RETREG3: variants seen among roughly 807,000 people sequenced by gnomAD.
RETREG3 encodes the protein reticulophagy regulator family member 3, also known as reticulophagy regulator 3.
RETREG3 carries 23 observed loss-of-function variants against 50.2 expected under a neutral mutation model. The ratio of observed to expected loss-of-function variants is 0.46; its 90% CI spans 0.33 to 0.65. RETREG3 has a LOEUF of 0.65. Among genes scored for constraint, RETREG3 ranks in the 30% least tolerant of loss-of-function variants. The pLI is 0.02. For synonymous variants in RETREG3, 240 were observed against 234.4 expected, an observed-to-expected ratio of 1.02 and a Z score of -0.22; for missense variants, 546 against 598.0, an observed-to-expected ratio of 0.91 and a Z score of 0.91.
intron 1 of RETREG3, among the ~76,000 whole-genome samples, chr17:42,606,120 A>G (rs2093167471): frequency 6.6e-6 from 1 of 152,106 alleles, no homozygotes; most frequent in Non-Finnish European, 1.5e-5. Context: ...CTACTAGGAA[A>G]TGCCAAAGAT....
At chr17:42,590,711 A>C (rs1275544714) in intron 2 of RETREG3, among the ~76,000 whole-genome samples, 1 of 152,138 alleles carries the variant, frequency 6.6e-6, no homozygotes, top group African/African-American at 2.4e-5. Context: ...TCACGCCTGT[A>C]ATCCCAGCAC....
intron 1 of RETREG3, among the ~76,000 whole-genome samples, chr17:42,602,839 G>A (rs557854062): frequency 6.6e-6 from 1 of 152,188 alleles, no homozygotes; most frequent in Admixed American, 6.5e-5. Context: ...CACTACCTGA[G>A]AGGCTGAGGT....
chr17:42,587,060 T>G, intron 3 of RETREG3, 169 bp from the exon 4 acceptor site: 1 of 884,372 alleles, frequency 1.1e-6, no homozygotes, highest in Non-Finnish European at 1.7e-6. Flanking sequence ...GGTTGAAATC[T>G]GAATTTAGGT....
At chr17:42,608,462 A>G (rs75144219) in intron 1 of RETREG3, among the ~76,000 whole-genome samples, 2,268 of 152,306 alleles carry the variant, frequency 0.015, 55 homozygotes, top group African/African-American at 0.052. Context: ...AGGAGTTACA[A>G]TCACAGGTGG....
chr17:42,582,617 G>C, intron 8 of RETREG3, 57 bp downstream of exon 8: 1 of 1,607,558 alleles, frequency 6.2e-7, no homozygotes, highest in Non-Finnish European at 8.5e-7. Flanking sequence ...TCTGTTCAGG[G>C]AAGCTAAGAG....
intron 1 of RETREG3, among the ~76,000 whole-genome samples, chr17:42,601,864 C>T (rs1018651938): frequency 2.0e-5 from 3 of 151,632 alleles, no homozygotes; most frequent in Non-Finnish European, 2.9e-5. Context: ...GAATTCCCGA[C>T]CTTAGGTGAC....
At chr17:42,601,225 T>C (rs1286497442) in intron 1 of RETREG3, among the ~76,000 whole-genome samples, 4 of 148,780 alleles carry the variant, frequency 2.7e-5, no homozygotes, top group Non-Finnish European at 3.0e-5. Flanking sequence ...TGCAGTGAGC[T>C]GAGATTGTGC....
chr17:42,609,346 T>G lies in RETREG3; in HGVS notation c.-22A>C. 8.8e-6 allele frequency: 14 copies of G among 1,584,806 alleles called. No homozygotes were observed. The highest frequency in any genetic ancestry group is 1.1e-5 in the Non-Finnish European group (13 of 1,171,224). ...CCATCTCCCCGCGGCAGCCACAACA[T>G]CCGGGGCCGTGGCCCGACAAGTCAC... On this transcript the variant is annotated 5_prime_UTR_variant, in exon 1 of 9. The change abolishes an upstream ATG in the 5' untranslated region. Transcript: ENST00000309428.
chr17:42,589,971 C>T (rs1392596532), intron 2 of RETREG3, among the ~76,000 whole-genome samples: 1 of 152,184 alleles, frequency 6.6e-6, no homozygotes, highest in Non-Finnish European at 1.5e-5. Context: ...AAGGCCAAGG[C>T]ACGCGGATCA....
At chr17:42,590,994 C>T (rs2093132057) in intron 2 of RETREG3, among the ~76,000 whole-genome samples, 1 of 152,022 alleles carries the variant, frequency 6.6e-6, no homozygotes, top group African/African-American at 2.4e-5. Context: ...AAGAAACCAA[C>T]AAAAAACCTA....
rs1035688217 is a variant in RETREG3 at position 42,609,159 on chromosome 17, C to T, written c.166G>A (p.Val56Met). The T allele has an allele frequency of 3.7e-6, 6 of 1,610,432 alleles. No homozygotes were observed. The highest frequency in any genetic ancestry group is 2.7e-5 in the African/African-American group (2 of 74,916). The change falls in exon 1 of 9, where the codon GTG becomes ATG. Residue 56 changes from valine (V) to methionine (M), a missense_variant. Coordinates refer to ENST00000309428, the MANE Select transcript of RETREG3 (RefSeq NM_178126.4). ...LGPYEPLLSR[V>M]QAALVWERPA... ...CGCTCCCACACCAGGGCTGCCTGCA[C>T]CCGACTCAGCAGAGGCTCGTAAGGC...
intron 8 of RETREG3, 89 bp from the exon 9 acceptor site, chr17:42,582,359 CT>C: frequency 5.3e-6 from 7 of 1,322,882 alleles, no homozygotes; most frequent in Non-Finnish European, 7.2e-6. Context: ...CCCACCCTGG[CT>C]TTCTCAGGGC....
intron 1 of RETREG3, 119 bp from the exon 2 acceptor site, chr17:42,592,281 C>A: frequency 1.4e-6 from 1 of 720,462 alleles, no homozygotes; most frequent in South Asian, 2.0e-5. Flanking sequence ...TTTTTTTGTT[C>A]TGACACTTAA....
chr17:42,608,212 C>T (rs1257449495), intron 1 of RETREG3, among the ~76,000 whole-genome samples: 2 of 152,212 alleles, frequency 1.3e-5, no homozygotes, highest in Non-Finnish European at 2.9e-5. Flanking sequence ...TTGGAACCTC[C>T]TCCATTACAA....
In RETREG3 at chr17:42,582,211, A is replaced by C; in HGVS notation, c.1003T>G (p.Ser335Ala). 1 of 1,613,288 alleles carries C rather than the reference A, an allele frequency of 6.2e-7. No homozygotes were observed. Among genetic ancestry groups the C allele is most frequent in the African/African-American group, 1.3e-5 (1 of 75,020 alleles). The change falls in exon 9 of 9, where the codon TCC becomes GCC. Residue 335 changes from serine to alanine, a missense_variant. By Grantham distance (99) the Ser-to-Ala change is moderately conservative. Coordinates refer to ENST00000309428, the MANE Select transcript of RETREG3 (RefSeq NM_178126.4). Reference protein sequence around the residue: ...SFARDLPDFPSINMDPAGLDD... With the variant: ...SFARDLPDFPAINMDPAGLDD... ...AGGCCAGCAGGATCCATATTAATGG[A>C]AGGGAAGTCTGGAAGGTCTCTGGCA...
At chr17:42,597,976 G>GTTTTTT (rs869196773) in intron 1 of RETREG3, among the ~76,000 whole-genome samples, 4 of 95,850 alleles carry the variant, frequency 4.2e-5, no homozygotes, top group Non-Finnish European at 6.1e-5. Flanking sequence ...TTCCTCTGAA[G>GTTTTTT]TTTTTTTTTT....
intron 6 of RETREG3, among the ~76,000 whole-genome samples, chr17:42,583,996 C>A (rs769504965): frequency 1.3e-5 from 2 of 152,042 alleles, no homozygotes; most frequent in African/African-American, 4.8e-5. Flanking sequence ...TTAGTAGAGA[C>A]GGGGTTTCAT....
chr17:42,587,729 C>A (rs2093124009), intron 3 of RETREG3, 105 bp downstream of exon 3: 1 of 1,390,522 alleles, frequency 7.2e-7, no homozygotes, highest in Admixed American at 1.7e-5. Context: ...CCTAGGTTCT[C>A]AGTTTACACT....
chr17:42,597,992 T>C (rs1345147944), intron 1 of RETREG3, among the ~76,000 whole-genome samples: 26 of 145,862 alleles, frequency 1.8e-4, no homozygotes, highest in African/African-American at 6.1e-4. Flanking sequence ...TTTTTTTTTT[T>C]TTTTTTTGAG....
Sources: allele counts gnomAD v4.1 joint callset (sites outside exome capture counted in the v4.1 genomes callset), GRCh38; gene constraint gnomAD v4.1.1; transcripts MANE v1.5; gene names NCBI Gene and HGNC (gene_info 2026-07-23, HGNC 2026-07-21).